The following RBM27 variants were observed in gnomAD, a reference collection of about 807,000 sequenced individuals.
RBM27 encodes RNA-binding protein 27.
In RBM27, 22 loss-of-function variants were observed where a neutral mutation model predicts 135.3. The ratio of observed to expected loss-of-function variants is 0.16; its 90% CI spans 0.12 to 0.23. The LOEUF is 0.23. Ranked by LOEUF, RBM27 falls within the 10% of genes least tolerant of loss-of-function variation. RBM27 has a pLI of 1.00. For missense variants in RBM27, 1,009 were observed against 1,281.0 expected (o/e 0.79, Z 3.24); for synonymous variants, 481 against 442.4 (o/e 1.09, Z -1.10).
At chr5:146,246,283 A>G (rs973381950) in intron 8 of RBM27, among the ~76,000 whole-genome samples, 1 of 152,204 alleles carries the variant, frequency 6.6e-6, no homozygotes, top group Non-Finnish European at 1.5e-5. Context: ...GGAAAATTAT[A>G]CAGAGTTGCT....
intron 7 of RBM27, among the ~76,000 whole-genome samples, chr5:146,236,405 G>A (rs1427462831): frequency 1.3e-5 from 2 of 151,950 alleles, no homozygotes; most frequent in East Asian, 3.9e-4. Context: ...AAAGTTTCCT[G>A]AAGCCTCTTC....
chr5:146,271,711 C>T (rs376505743), intron 19 of RBM27, 37 bp downstream of exon 19: 3 of 1,534,864 alleles, frequency 2.0e-6, no homozygotes, highest in South Asian at 2.3e-5. Context: ...ACTGTAAAAA[C>T]ACTGTGCTCA....
intron 19 of RBM27, among the ~76,000 whole-genome samples, chr5:146,283,654 A>G (rs1759459860): frequency 6.6e-6 from 1 of 152,198 alleles, no homozygotes; most frequent in South Asian, 2.1e-4. Context: ...TAGACCCTTC[A>G]AGGAATGGTG....
chr5:146,250,023 A>G (rs547297147), intron 8 of RBM27, among the ~76,000 whole-genome samples: 1 of 152,334 alleles, frequency 6.6e-6, no homozygotes, highest in East Asian at 1.9e-4. Context: ...AGAAAAGGGT[A>G]GTGAAGTTTA....
At chr5:146,226,562 G>T (rs1040736702) in intron 3 of RBM27, among the ~76,000 whole-genome samples, 12 of 151,728 alleles carry the variant, frequency 7.9e-5, no homozygotes, top group Non-Finnish European at 1.8e-4. Flanking sequence ...TGTATTTTTA[G>T]TAGAGATAGA....
chr5:146,249,423 C>T (rs1430400338), intron 8 of RBM27, among the ~76,000 whole-genome samples: 1 of 152,126 alleles, frequency 6.6e-6, no homozygotes, highest in East Asian at 1.9e-4. Context: ...CGGTGGCTCA[C>T]GCCTGTAATT....
intron 4 of RBM27, 148 bp from the exon 5 acceptor site, chr5:146,229,569 A>G: frequency 1.8e-6 from 1 of 553,066 alleles, no homozygotes; most frequent in Non-Finnish European, 3.1e-6. Context: ...TATATATTTG[A>G]TTAGAGGAAT....
intron 8 of RBM27, among the ~76,000 whole-genome samples, chr5:146,240,298 G>A (rs1046405537): frequency 8.4e-5 from 10 of 118,894 alleles, no homozygotes; most frequent in African/African-American, 3.0e-4. Context: ...TTTTCTATCT[G>A]TCTGTCTGTC....
rs1042802892 is a variant in RBM27 at position 146,263,645 on chromosome 5, G to A, written c.2331+14G>A. On this transcript the variant is annotated intron_variant, in intron 14 of 20. Coordinates refer to ENST00000265271, the MANE Select transcript of RBM27 (RefSeq NM_018989.2). The stretch of plus-strand genomic sequence containing the variant: ...GAAGATTGCCAGGTATGCATTTTTG[G>A]GAGCTTCAGATATATTTAGAATCAT... 1 of 1,612,418 alleles carries A rather than the reference G, an allele frequency of 6.2e-7. No individual in the cohort carries two copies. Among genetic ancestry groups the A allele is most frequent in the Non-Finnish European group, 8.5e-7 (1 of 1,179,386 alleles).
Position 146,223,400 on chromosome 5 carries a change from T to C in RBM27, c.179-3T>C, listed in dbSNP as rs1253517864. ...ATATGTAAATGTTATTTCTTCTCCT[T>C]AGAAACTTCAGGTTTTGTGGACAAA... On this transcript the variant is annotated splice_region_variant and splice_polypyrimidine_tract_variant and intron_variant, in intron 2 of 20. Transcript: ENST00000265271. 8 of 1,578,632 alleles carry C rather than the reference T, an allele frequency of 5.1e-6. No individual in the cohort carries two copies. The highest frequency in any genetic ancestry group is 6.8e-6 in the Non-Finnish European group (8 of 1,170,048).
At chr5:146,270,550 G>A (rs539483402) in intron 17 of RBM27, among the ~76,000 whole-genome samples, 75 of 152,278 alleles carry the variant, frequency 4.9e-4, no homozygotes, top group African/African-American at 1.7e-3. Context: ...TAACAAAAAA[G>A]AGAATGTCAA....
At chr5:146,273,952 C>T (rs1214987095) in intron 19 of RBM27, among the ~76,000 whole-genome samples, 1 of 152,148 alleles carries the variant, frequency 6.6e-6, no homozygotes, top group East Asian at 1.9e-4. Flanking sequence ...AAATGATAAC[C>T]ATGTAAATGT....
At chr5:146,269,991 T>C (rs1758793131) in intron 17 of RBM27, among the ~76,000 whole-genome samples, 1 of 152,176 alleles carries the variant, frequency 6.6e-6, no homozygotes, top group South Asian at 2.1e-4. Context: ...GGTTCTCTGC[T>C]GAAGATGACA....
chr5:146,282,489 G>A (rs1322494843), intron 19 of RBM27, among the ~76,000 whole-genome samples: 1 of 151,854 alleles, frequency 6.6e-6, no homozygotes, highest in Non-Finnish European at 1.5e-5. Flanking sequence ...AAAAATATTG[G>A]GAAAAAAATG....
chr5:146,280,866 A>ATTTG (rs1431106312), intron 19 of RBM27, among the ~76,000 whole-genome samples: 1 of 151,432 alleles, frequency 6.6e-6, no homozygotes, highest in Non-Finnish European at 1.5e-5. Context: ...TTATTTATTT[A>ATTTG]TTTATTTTTG....
intron 8 of RBM27, among the ~76,000 whole-genome samples, chr5:146,246,706 CAT>C (rs944573378): frequency 4.6e-5 from 7 of 152,010 alleles, no homozygotes; most frequent in African/African-American, 1.7e-4. Flanking sequence ...AAAGAGAAAA[CAT>C]ATTATGATGG....
Position 146,288,092 on chromosome 5 carries a change from G to A in RBM27, c.*2062G>A, listed in dbSNP as rs752734936. ...TTTTTTGTGTACTAAAACTACCAGC[G>A]TATAGATTTCAATAAGAATTGTTGT... On this transcript the variant is annotated 3_prime_UTR_variant, in exon 21 of 21. Coordinates refer to ENST00000265271, the MANE Select transcript of RBM27 (RefSeq NM_018989.2). 2 of 151,430 alleles carry A rather than the reference G, an allele frequency of 1.3e-5. No homozygotes were observed. Among genetic ancestry groups the A allele is most frequent in the Non-Finnish European group, 2.9e-5 (2 of 67,840 alleles). The allele number at this position is 151,430 out of a possible 1,614,324, so 9.4% of individuals were successfully genotyped here. A position where few individuals can be genotyped will look rare whatever the true frequency, so the allele number is the denominator to read the frequency against.
At chr5:146,217,256 C>T (rs139385112) in intron 1 of RBM27, among the ~76,000 whole-genome samples, 39 of 152,152 alleles carry the variant, frequency 2.6e-4, no homozygotes, top group East Asian at 9.7e-4. Context: ...TGTGAGCCAC[C>T]GTGCCCGGCC....
At chr5:146,241,695 G>C (rs2126789738) in intron 8 of RBM27, among the ~76,000 whole-genome samples, 1 of 152,078 alleles carries the variant, frequency 6.6e-6, no homozygotes, top group Admixed American at 6.5e-5. Context: ...TTGGCCTCAA[G>C]TTATCCGCCC....
Sources: gnomAD v4.1 joint callset for allele counts (sites outside exome capture counted in the v4.1 genomes callset) on GRCh38, gnomAD v4.1.1 for gene constraint, MANE v1.5 for transcripts, NCBI Gene and HGNC (gene_info 2026-07-23, HGNC 2026-07-21) for gene names.